The following SAE1 variants were observed in gnomAD, a reference collection of about 807,000 sequenced individuals.
The protein encoded by SAE1 is SUMO-activating enzyme subunit 1.
In SAE1, 11 loss-of-function variants were observed where a neutral mutation model predicts 40.6. The observed-to-expected ratio is 0.27, with a 90% CI of 0.17 to 0.45. The LOEUF is 0.45. SAE1 is among the 20% of genes least tolerant of loss of function. The pLI, the probability that SAE1 is intolerant of heterozygous loss-of-function variation, is 1.00. For missense variants in SAE1, 373 were observed against 427.3 expected (o/e 0.87, Z 1.12); for synonymous variants, 155 against 154.3 (o/e 1.00, Z -0.03).
intron 1 of SAE1, among the ~76,000 whole-genome samples, chr19:47,132,109 C>T (rs993406556): frequency 1.3e-5 from 2 of 151,804 alleles, no homozygotes; most frequent in Non-Finnish European, 2.9e-5. Context: ...ATTACAGGCT[C>T]GCGCCACCAT....
chr19:47,191,831 C>T (rs1447658242), intron 6 of SAE1, among the ~76,000 whole-genome samples: 2 of 151,814 alleles, frequency 1.3e-5, no homozygotes, highest in South Asian at 2.1e-4. Context: ...CAAGGCGGGC[C>T]GATCACAAGG....
chr19:47,196,731 A>G (rs192275507), intron 6 of SAE1, among the ~76,000 whole-genome samples: 8 of 151,868 alleles, frequency 5.3e-5, no homozygotes, highest in African/African-American at 7.2e-5. Flanking sequence ...CTTCAAACTC[A>G]TATATACTTC....
intron 7 of SAE1, among the ~76,000 whole-genome samples, chr19:47,202,372 A>G (rs938107112): frequency 1.6e-4 from 25 of 151,844 alleles, no homozygotes; most frequent in African/African-American, 5.3e-4. Context: ...ACTGCAACCT[A>G]TGCCTCCCAG....
chr19:47,202,323 C>A (rs1173921224), intron 7 of SAE1, among the ~76,000 whole-genome samples: 1 of 151,640 alleles, frequency 6.6e-6, no homozygotes, highest in Non-Finnish European at 1.5e-5. Flanking sequence ...CAGTCTTGCC[C>A]TGTCACCAGG....
chr19:47,167,375 G>A (rs1483273419), intron 5 of SAE1, among the ~76,000 whole-genome samples: 1 of 151,866 alleles, frequency 6.6e-6, no homozygotes, highest in Non-Finnish European at 1.5e-5. Context: ...GAGTAGCTGG[G>A]ACTGCAGGTG....
intron 7 of SAE1, among the ~76,000 whole-genome samples, chr19:47,201,433 G>A (rs537490663): frequency 1.7e-3 from 225 of 130,174 alleles, no homozygotes; most frequent in Non-Finnish European, 2.8e-3. Context: ...GTGCAGTGGC[G>A]TGATCTCGGC....
intron 5 of SAE1, among the ~76,000 whole-genome samples, chr19:47,164,865 G>T (rs935876728): frequency 6.6e-6 from 1 of 151,324 alleles, no homozygotes; most frequent in African/African-American, 2.4e-5. Flanking sequence ...TGTTAGCCAG[G>T]ATGGTCTCGA....
intron 3 of SAE1, among the ~76,000 whole-genome samples, chr19:47,151,299 A>G (rs980897380): frequency 6.6e-6 from 1 of 151,020 alleles, no homozygotes; most frequent in Non-Finnish European, 1.5e-5. Flanking sequence ...ACAGGCACTC[A>G]CCACCATGCT....
chr19:47,145,925 C>A (rs1056957087), intron 2 of SAE1, among the ~76,000 whole-genome samples: 31 of 142,918 alleles, frequency 2.2e-4, no homozygotes, highest in Non-Finnish European at 3.9e-4. Context: ...GGTTTGGTTC[C>A]CATTCTCAAG....
intron 6 of SAE1, among the ~76,000 whole-genome samples, chr19:47,189,517 C>T (rs761883537): frequency 1.3e-5 from 2 of 151,962 alleles, no homozygotes; most frequent in Non-Finnish European, 1.5e-5. Flanking sequence ...GCAAAGATCG[C>T]GCCACTGCAC....
chr19:47,209,088 T>G (rs991339987), intron 8 of SAE1, 71 bp from the exon 9 acceptor site: 1 of 1,519,746 alleles, frequency 6.6e-7, no homozygotes, highest in Non-Finnish European at 9.0e-7. Flanking sequence ...TAGACTGCTT[T>G]TAGAATTTTT....
intron 8 of SAE1, among the ~76,000 whole-genome samples, chr19:47,208,703 G>A (rs2058698024): frequency 6.6e-6 from 1 of 152,168 alleles, no homozygotes. Context: ...GGGATTACAG[G>A]CGTGAGCCAC....
At chr19:47,174,809 G>A (rs1018643642) in intron 6 of SAE1, among the ~76,000 whole-genome samples, 1 of 151,584 alleles carries the variant, frequency 6.6e-6, no homozygotes, top group Admixed American at 6.6e-5. Context: ...TTCTGACCTC[G>A]TGATCCGCCT....
intron 5 of SAE1, among the ~76,000 whole-genome samples, chr19:47,164,200 G>A (rs924951560): frequency 2.6e-5 from 4 of 151,614 alleles, no homozygotes; most frequent in African/African-American, 7.3e-5. Context: ...ACGAAGTCTC[G>A]ATCTGTCGCC....
At chr19:47,145,332 A>G (rs1226801446) in intron 2 of SAE1, among the ~76,000 whole-genome samples, 1 of 151,924 alleles carries the variant, frequency 6.6e-6, no homozygotes, top group Admixed American at 6.6e-5. Flanking sequence ...TTTTTAGTAG[A>G]GATGGGGTTT....
chr19:47,196,332 G>GGTTTTTTT (rs1568608690), intron 6 of SAE1, among the ~76,000 whole-genome samples: 1 of 76,324 alleles, frequency 1.3e-5, no homozygotes, highest in Non-Finnish European at 2.3e-5. Context: ...ACCGCGCCTG[G>GGTTTTTTT]CTTTTTTTTT....
At chr19:47,177,409 A>G (rs994007518) in intron 6 of SAE1, among the ~76,000 whole-genome samples, 2 of 152,008 alleles carry the variant, frequency 1.3e-5, no homozygotes, top group African/African-American at 4.8e-5. Context: ...TCCAGGCTGG[A>G]GTGTGGTGGC....
At chr19:47,202,554 G>A (rs555947323) in intron 7 of SAE1, among the ~76,000 whole-genome samples, 1 of 151,828 alleles carries the variant, frequency 6.6e-6, no homozygotes, top group African/African-American at 2.4e-5. Context: ...CCAAAGTGCT[G>A]GGATTACAGG....
intron 1 of SAE1, among the ~76,000 whole-genome samples, chr19:47,133,614 C>T (rs913157048): frequency 9.2e-5 from 14 of 152,090 alleles, no homozygotes; most frequent in African/African-American, 3.1e-4. Flanking sequence ...TGCAGTAATC[C>T]AGTTGAGATA....
Sources: allele counts gnomAD v4.1 joint callset (sites outside exome capture counted in the v4.1 genomes callset), GRCh38; gene constraint gnomAD v4.1.1; transcripts MANE v1.5; gene names NCBI Gene and HGNC (gene_info 2026-07-23, HGNC 2026-07-21).